Variants in ARRB1 observed in about 807,000 individuals in gnomAD.
ARRB1 encodes beta-arrestin-1.
A neutral mutation model predicts 56.8 loss-of-function variants in ARRB1; 21 were observed. The observed-to-expected ratio is 0.37, with a 90% confidence interval of 0.26 to 0.53. The LOEUF (loss-of-function observed/expected upper bound fraction) is 0.53. Among genes scored for constraint, ARRB1 ranks in the 20% least tolerant of loss-of-function variants. The pLI is 0.88. For synonymous variants in ARRB1, 210 were observed against 218.6 expected (o/e 0.96, Z 0.35); for missense variants, 424 against 553.7 (o/e 0.77, Z 2.35).
chr11:75,334,153 A>C (rs937115595), intron 1 of ARRB1, among the ~76,000 whole-genome samples: 7 of 152,144 alleles, frequency 4.6e-5, no homozygotes, highest in Non-Finnish European at 8.8e-5. Context: ...AACATGGTGA[A>C]ACCTCATCTA....
In ARRB1 at chr11:75,283,293, G is replaced by T. The variant is rs1446200429; in HGVS notation, c.348C>A (p.Thr116=). The change falls in exon 5 of 16, where the codon ACC becomes ACA. Residue 116 remains threonine (T), a synonymous_variant. Coordinates refer to ENST00000420843, the MANE Select transcript of ARRB1 (RefSeq NM_004041.5). Reference sequence around the variant, plus strand: ...AGGGATGGCAGTTCCTGACCTCAAAGGTGAAAGGGTAAGCGTGCTCGCCCA... The same window carrying T: ...AGGGATGGCAGTTCCTGACCTCAAATGTGAAAGGGTAAGCGTGCTCGCCCA... ...KKLGEHAYPF[T]FEIPPNLPCS... 1 of 1,604,204 alleles carries T rather than the reference G, an allele frequency of 6.2e-7. No homozygotes were observed. Among genetic ancestry groups the T allele is most frequent in the Admixed American group, 1.7e-5 (1 of 59,188 alleles).
chr11:75,350,361 A>T (rs1822519655), intron 1 of ARRB1, among the ~76,000 whole-genome samples: 1 of 152,034 alleles, frequency 6.6e-6, no homozygotes, highest in African/African-American at 2.4e-5. Context: ...AAACGAGGAG[A>T]GGGGAGGGGA....
chr11:75,317,934 A>C (rs1055899525), intron 1 of ARRB1, among the ~76,000 whole-genome samples: 4 of 151,964 alleles, frequency 2.6e-5, no homozygotes, highest in Non-Finnish European at 5.9e-5. Context: ...GTGCAAACTG[A>C]AAATGTGCTC....
chr11:75,332,719 A>AC (rs1021840909), intron 1 of ARRB1, among the ~76,000 whole-genome samples: 4 of 152,222 alleles, frequency 2.6e-5, no homozygotes, highest in African/African-American at 7.2e-5. Context: ...ATATGGTGAA[A>AC]CCCCGTCTCA....
chr11:75,315,311 C>G (rs1405191155), intron 1 of ARRB1, among the ~76,000 whole-genome samples: 2 of 152,080 alleles, frequency 1.3e-5, no homozygotes. Context: ...ACAGAAGCCA[C>G]CTAACTTGCC....
Position 75,278,893 on chromosome 11 carries a change from G to A in ARRB1, c.483-149C>T, listed in dbSNP as rs1946261845. On this transcript the variant is annotated intron_variant, in intron 7 of 15. Coordinates refer to ENST00000420843, the MANE Select transcript of ARRB1 (RefSeq NM_004041.5). The stretch of plus-strand genomic sequence containing the variant: ...GCCAAACTGCAGAGATCAGCATAGG[G>A]GTCTGTCACCATCTGGCTCCATTCC... 22 of 1,153,304 alleles carry A rather than the reference G, an allele frequency of 1.9e-5. No homozygotes were observed. The South Asian group carries it at 3.1e-4, about 16-fold the overall frequency. 71.4% of individuals were successfully genotyped at this position (1,153,304 alleles called of 1,614,324 possible).
At chr11:75,340,669 T>C (rs903191044) in intron 1 of ARRB1, among the ~76,000 whole-genome samples, 6 of 152,200 alleles carry the variant, frequency 3.9e-5, no homozygotes, top group Admixed American at 6.5e-5. Flanking sequence ...TACTTGGGGT[T>C]GGGAACCAGG....
intron 1 of ARRB1, among the ~76,000 whole-genome samples, chr11:75,290,302 CA>C (rs1946577692): frequency 6.6e-6 from 1 of 152,204 alleles, no homozygotes; most frequent in African/African-American, 2.4e-5. Flanking sequence ...CGGGAGTCTC[CA>C]AGTGCAAGTT....
chr11:75,301,709 G>A (rs1946909211), intron 1 of ARRB1, among the ~76,000 whole-genome samples: 1 of 152,186 alleles, frequency 6.6e-6, no homozygotes, highest in Admixed American at 6.5e-5. Flanking sequence ...GAGGTGCGGG[G>A]AGCAGGTGGC....
chr11:75,286,966 C>T (rs1166058671), intron 3 of ARRB1, among the ~76,000 whole-genome samples: 2 of 152,110 alleles, frequency 1.3e-5, no homozygotes, highest in East Asian at 1.9e-4. Flanking sequence ...CCACTCTGTG[C>T]CTCATTCTCC....
chr11:75,278,818 C>G, intron 7 of ARRB1, 74 bp from the exon 8 acceptor site: 1 of 1,530,976 alleles, frequency 6.5e-7, no homozygotes, highest in Non-Finnish European at 8.8e-7. Context: ...AGCCTCACAT[C>G]ATTCTCCTGC....
intron 2 of ARRB1, 104 bp downstream of exon 2, chr11:75,289,905 A>C: frequency 1.0e-5 from 16 of 1,534,306 alleles, no homozygotes; most frequent in Non-Finnish European, 1.3e-5. Context: ...CCCCTCCCAC[A>C]GAGGTGTGCA....
intron 1 of ARRB1, among the ~76,000 whole-genome samples, chr11:75,293,925 T>C (rs1043614959): frequency 9.2e-5 from 14 of 152,230 alleles, no homozygotes; most frequent in Non-Finnish European, 2.1e-4. Flanking sequence ...ATTGCCTCTG[T>C]GGACCAGCTA....
In ARRB1 at chr11:75,266,172, G is replaced by C; in HGVS notation, c.1248C>G (p.Asn416Lys). ...GGCAGGGCCGGCCCGTCTATCTGTT[G>C]TTGAGCTGTGGAGAGCCGGTACCAT... Reference protein sequence around the residue: ...EEDGTGSPQLNNR With the variant: ...EEDGTGSPQLKNR The change falls in exon 16 of 16, where the codon AAC becomes AAG. Residue 416 changes from asparagine (N) to lysine (K), a missense_variant. By Grantham distance (94) the Asn-to-Lys change is moderately conservative (BLOSUM62 0). This residue lies in a region of ARRB1 where 121 missense variants were observed against 147.3 expected (regional missense o/e 0.82). Coordinates refer to ENST00000420843, the MANE Select transcript of ARRB1 (RefSeq NM_004041.5). 1 of 1,614,154 alleles carries C rather than the reference G, an allele frequency of 6.2e-7. No individual in the cohort carries two copies. Among genetic ancestry groups the C allele is most frequent in the Non-Finnish European group, 8.5e-7 (1 of 1,179,962 alleles).
intron 1 of ARRB1, among the ~76,000 whole-genome samples, chr11:75,348,404 T>C (rs1354318988): frequency 1.3e-5 from 2 of 152,148 alleles, no homozygotes; most frequent in Non-Finnish European, 2.9e-5. Context: ...ACAACACATG[T>C]CATCCTGCGT....
intron 1 of ARRB1, among the ~76,000 whole-genome samples, chr11:75,324,674 G>A (rs1468995455): frequency 2.6e-5 from 4 of 152,148 alleles, no homozygotes; most frequent in Non-Finnish European, 5.9e-5. Context: ...TGAGAACCCA[G>A]AGAGCCTGTG....
chr11:75,297,814 G>A (rs942109281), intron 1 of ARRB1, among the ~76,000 whole-genome samples: 5 of 117,654 alleles, frequency 4.2e-5, no homozygotes, highest in African/African-American at 1.6e-4. Flanking sequence ...GCAGTGAGCT[G>A]AGATCATGCC....
intron 1 of ARRB1, among the ~76,000 whole-genome samples, chr11:75,315,401 C>T (rs1947249102): frequency 6.6e-6 from 1 of 152,062 alleles, no homozygotes; most frequent in African/African-American, 2.4e-5. Flanking sequence ...TGCCTGCTTG[C>T]TCTAATCCCA....
intron 4 of ARRB1, 54 bp downstream of exon 4, chr11:75,284,181 C>CG (rs1946420440): frequency 4.5e-6 from 7 of 1,547,802 alleles, no homozygotes; most frequent in African/African-American, 1.4e-5. Context: ...GCTAGAGGTC[C>CG]GGGGGGAAGA....
Sources: gnomAD v4.1 joint callset for allele counts (sites outside exome capture counted in the v4.1 genomes callset) on GRCh38, gnomAD v4.1.1 for gene constraint, gnomAD v4.1.1 regional missense constraint, MANE v1.5 for transcripts, NCBI Gene and HGNC (gene_info 2026-07-23, HGNC 2026-07-21) for gene names.